Variants in KLF12 observed in about 807,000 individuals in gnomAD.
KLF12 encodes KLF transcription factor 12.
Under a neutral mutation model 37.8 loss-of-function variants are expected in KLF12, and 9 were observed. The observed-to-expected ratio is 0.24, with a 90% CI of 0.14 to 0.42. KLF12 has a LOEUF of 0.42. Among genes scored for constraint, KLF12 ranks in the 10% least tolerant of loss-of-function variants. The pLI, the probability that KLF12 is intolerant of heterozygous loss-of-function variation, is 1.00. For missense variants in KLF12, 411 were observed against 516.0 expected, an observed-to-expected ratio of 0.80 and a Z score of 1.97; for synonymous variants, 208 against 202.1, an observed-to-expected ratio of 1.03 and a Z score of -0.25.
chr13:73,735,421 T>C (rs1043354246), intron 6 of KLF12, among the ~76,000 whole-genome samples: 1 of 152,176 alleles, frequency 6.6e-6, no homozygotes, highest in Admixed American at 6.5e-5. Context: ...TTCATGGTAA[T>C]TAGAGGGATT....
chr13:74,117,761 G>A (rs1375107603), intron 1 of KLF12, among the ~76,000 whole-genome samples: 3 of 152,122 alleles, frequency 2.0e-5, no homozygotes, highest in Non-Finnish European at 4.4e-5. Flanking sequence ...TACCCCCTAA[G>A]CCAGTCTAAC....
chr13:73,758,702 C>G (rs1372202179), intron 6 of KLF12, among the ~76,000 whole-genome samples: 2 of 152,242 alleles, frequency 1.3e-5, no homozygotes, highest in South Asian at 2.1e-4. Flanking sequence ...GATCTTACAG[C>G]CTTAATTCTC....
intron 3 of KLF12, among the ~76,000 whole-genome samples, chr13:73,893,420 C>CAAA (rs1566442568): frequency 8.1e-6 from 1 of 122,930 alleles, no homozygotes; most frequent in Non-Finnish European, 1.6e-5. Flanking sequence ...CTCACTCTTT[C>CAAA]GCCCAGGCTA....
rs78941463 is a variant in KLF12, at chr13:73,751,387, C to T, written c.869+13551G>A. Among the ~76,000 whole-genome samples the T allele has an allele frequency of 6.8e-4, 104 of 152,236 alleles. No individual in the cohort carries two copies. In the East Asian group the frequency reaches 0.016, roughly 24 times the overall value. ...GTGTATAGGTGTTCCTTTTTCTCTG[C>T]ATCCTTGCCAACATCTGTTGACTTT... On this transcript the variant is annotated intron_variant, in intron 6 of 7. Transcript: ENST00000377669.
chr13:74,217,212 G>A, the KLF12 span, among the ~76,000 whole-genome samples: 1 of 151,726 alleles, frequency 6.6e-6, no homozygotes, highest in East Asian at 1.9e-4. Context: ...TTTATTTACA[G>A]GACACTGTGT....
chr13:74,132,300 C>T (rs1878304677), intron 1 of KLF12, among the ~76,000 whole-genome samples: 1 of 152,028 alleles, frequency 6.6e-6, no homozygotes, highest in African/African-American at 2.4e-5. Flanking sequence ...CTCTATCGTC[C>T]AGTAAGAAAA....
the KLF12 span, among the ~76,000 whole-genome samples, chr13:74,219,144 C>A: frequency 1.3e-5 from 2 of 152,070 alleles, no homozygotes; most frequent in Non-Finnish European, 2.9e-5. Context: ...TTTGTAGAGA[C>A]AAGGTTTCAC....
intron 5 of KLF12, among the ~76,000 whole-genome samples, chr13:73,774,905 T>C (rs1369725993): frequency 6.7e-6 from 1 of 149,802 alleles, no homozygotes; most frequent in East Asian, 2.0e-4. Context: ...ATATGTACCT[T>C]CTCTCGCATT....
At chr13:74,034,053 T>C (rs1893182449) in intron 1 of KLF12, among the ~76,000 whole-genome samples, 1 of 152,144 alleles carries the variant, frequency 6.6e-6, no homozygotes, top group Admixed American at 6.6e-5. Flanking sequence ...GCATTCACTT[T>C]TTTTGTTTTG....
chr13:74,065,654 T>G (rs1242285914), intron 1 of KLF12, among the ~76,000 whole-genome samples: 1 of 152,052 alleles, frequency 6.6e-6, no homozygotes, highest in Non-Finnish European at 1.5e-5. Flanking sequence ...TCATATTCTG[T>G]GTCCTTGTTC....
rs547841600 is a variant in KLF12 at position 74,101,703 on chromosome 13, T to C, written c.-32+32036A>G. Among the ~76,000 whole-genome samples the C allele has an allele frequency of 5.9e-5, 9 of 152,154 alleles. No individual in the cohort carries two copies. The South Asian group carries it at 1.2e-3, about 21-fold the overall frequency. On this transcript the variant is annotated intron_variant, in intron 1 of 7. Transcript: ENST00000377669. ...CACCGTGGCTTGCATTCACCAAATA[T>C]AGGACAATATGAGCATCAAAATAGA...
intron 4 of KLF12, among the ~76,000 whole-genome samples, chr13:73,820,938 C>T (rs1883492790): frequency 6.6e-6 from 1 of 152,180 alleles, no homozygotes; most frequent in Non-Finnish European, 1.5e-5. Flanking sequence ...GTGGGCCCTG[C>T]CACCTGTCTC....
intron 6 of KLF12, among the ~76,000 whole-genome samples, chr13:73,724,063 T>C (rs1164828182): frequency 3.3e-5 from 5 of 152,166 alleles, no homozygotes; most frequent in East Asian, 3.9e-4. Context: ...GGATTATAAA[T>C]CATTCTACTA....
chr13:74,163,309 T>C, the KLF12 span, among the ~76,000 whole-genome samples: 1 of 152,154 alleles, frequency 6.6e-6, no homozygotes, highest in Non-Finnish European at 1.5e-5. Context: ...ATGTTTACAA[T>C]AGCTAAGATA....
At chr13:73,856,773 G>T (rs563836329) in intron 3 of KLF12, among the ~76,000 whole-genome samples, 2 of 152,146 alleles carry the variant, frequency 1.3e-5, no homozygotes, top group Non-Finnish European at 2.9e-5. Flanking sequence ...CAGATTGCTT[G>T]AGCTCAGGAG....
At chr13:74,167,121 A>G in the KLF12 span, among the ~76,000 whole-genome samples, 16 of 152,244 alleles carry the variant, frequency 1.1e-4, no homozygotes, top group African/African-American at 3.9e-4. Context: ...TTACATTCAC[A>G]CACTTTGACT....
At chr13:73,824,637 A>G (rs1376682224) in intron 4 of KLF12, among the ~76,000 whole-genome samples, 1 of 152,140 alleles carries the variant, frequency 6.6e-6, no homozygotes, top group Non-Finnish European at 1.5e-5. Flanking sequence ...TCATGTCCTC[A>G]TCTTATACCA....
intron 4 of KLF12, among the ~76,000 whole-genome samples, chr13:73,838,796 A>C (rs1476787968): frequency 1.3e-5 from 2 of 152,166 alleles, no homozygotes; most frequent in East Asian, 3.9e-4. Flanking sequence ...TTGTGTGGCT[A>C]AGGAAAAGAC....
chr13:74,002,556 C>T (rs905782105), intron 1 of KLF12, among the ~76,000 whole-genome samples: 3 of 151,972 alleles, frequency 2.0e-5, no homozygotes, highest in Admixed American at 6.6e-5. Flanking sequence ...TTTGTAGAGA[C>T]GGAGTTCTGC....
Sources: gnomAD v4.1 joint callset for allele counts (sites outside exome capture counted in the v4.1 genomes callset) on GRCh38, gnomAD v4.1.1 for gene constraint, MANE v1.5 for transcripts, NCBI Gene and HGNC (gene_info 2026-07-23, HGNC 2026-07-21) for gene names.